UNC13C: variants seen among roughly 807,000 people sequenced by gnomAD.
UNC13C encodes the protein unc-13 homolog C.
In UNC13C, 174 loss-of-function variants were observed where a neutral mutation model predicts 245.4. The ratio of observed to expected loss-of-function variants is 0.71; its 90% CI spans 0.63 to 0.80. The LOEUF (loss-of-function observed/expected upper bound fraction) is 0.80, where lower values mean the gene tolerates loss of function less well. Among genes scored for constraint, UNC13C ranks in the 30% least tolerant of loss-of-function variants. The pLI is 0.00. For synonymous variants in UNC13C, 992 were observed against 895.1 expected (o/e 1.11, Z -1.93); for missense variants, 2,829 against 2,602.9 (o/e 1.09, Z -1.89).
At chr15:54,400,259 A>G (rs1346636628) in intron 18 of UNC13C, among the ~76,000 whole-genome samples, 1 of 151,976 alleles carries the variant, frequency 6.6e-6, no homozygotes, top group East Asian at 1.9e-4. Flanking sequence ...TTCTTTAAAG[A>G]AGATTTTTTT....
intron 2 of UNC13C, among the ~76,000 whole-genome samples, chr15:54,071,223 A>G (rs1167645144): frequency 6.6e-6 from 1 of 152,180 alleles, no homozygotes; most frequent in Non-Finnish European, 1.5e-5. Flanking sequence ...GTAGGATTTC[A>G]GAATTGCAGA....
At chr15:54,559,506 A>G (rs1897217820) in intron 29 of UNC13C, among the ~76,000 whole-genome samples, 1 of 152,060 alleles carries the variant, frequency 6.6e-6, no homozygotes, top group African/African-American at 2.4e-5. Flanking sequence ...TTCAAATATC[A>G]TTATTTGAGA....
chr15:54,377,044 T>A (rs951385377), intron 17 of UNC13C, among the ~76,000 whole-genome samples: 1 of 152,090 alleles, frequency 6.6e-6, no homozygotes, highest in Non-Finnish European at 1.5e-5. Context: ...GAGATCAGTG[T>A]TATGCAGCTA....
chr15:54,104,035 G>A (rs1900306055), intron 2 of UNC13C, among the ~76,000 whole-genome samples: 1 of 152,222 alleles, frequency 6.6e-6, no homozygotes, highest in Non-Finnish European at 1.5e-5. Context: ...GAGCCACCAT[G>A]CCCGGCCACA....
chr15:54,090,590 C>A (rs1899513078), intron 2 of UNC13C, among the ~76,000 whole-genome samples: 1 of 152,128 alleles, frequency 6.6e-6, no homozygotes, highest in African/African-American at 2.4e-5. Context: ...TGCTCTTAAC[C>A]AATTATGTTG....
chr15:54,338,089 G>A (rs1436881607), intron 16 of UNC13C, among the ~76,000 whole-genome samples: 1 of 152,114 alleles, frequency 6.6e-6, no homozygotes, highest in Non-Finnish European at 1.5e-5. Context: ...AATATTTGTT[G>A]AATGATGGAA....
the UNC13C span, among the ~76,000 whole-genome samples, chr15:53,854,912 T>A: frequency 4.6e-5 from 7 of 152,226 alleles, no homozygotes; most frequent in Admixed American, 4.6e-4. Context: ...TGATATTGAT[T>A]CTTGCTATCC....
At chr15:54,527,246 C>G (rs1895509575) in intron 25 of UNC13C, among the ~76,000 whole-genome samples, 1 of 152,164 alleles carries the variant, frequency 6.6e-6, no homozygotes, top group Non-Finnish European at 1.5e-5. Context: ...TGGGGTGACA[C>G]TGAGAGATGA....
At chr15:53,936,001 G>T in the UNC13C span, among the ~76,000 whole-genome samples, 1 of 152,186 alleles carries the variant, frequency 6.6e-6, no homozygotes, top group Non-Finnish European at 1.5e-5. Context: ...CCCTAGGAAG[G>T]GGTCTGAATC....
At chr15:53,870,734 A>G in the UNC13C span, among the ~76,000 whole-genome samples, 4 of 152,172 alleles carry the variant, frequency 2.6e-5, no homozygotes, top group Non-Finnish European at 5.9e-5. Context: ...AGAGGGTCTT[A>G]TCCTGATTTT....
chr15:54,028,106 A>G (rs1014515271), intron 2 of UNC13C, among the ~76,000 whole-genome samples: 1 of 152,212 alleles, frequency 6.6e-6, no homozygotes, highest in Non-Finnish European at 1.5e-5. Context: ...AAGTACCAGT[A>G]GTGGTGAACT....
At chr15:53,944,080 T>C in the UNC13C span, among the ~76,000 whole-genome samples, 1 of 146,834 alleles carries the variant, frequency 6.8e-6, no homozygotes, top group East Asian at 1.9e-4. Context: ...AATATCTGTC[T>C]TTTAGTTAGT....
intron 17 of UNC13C, among the ~76,000 whole-genome samples, chr15:54,366,482 A>T (rs1364921741): frequency 1.3e-5 from 2 of 152,218 alleles, no homozygotes; most frequent in Admixed American, 1.3e-4. Context: ...ATGAACACAC[A>T]TACACACACA....
chr15:54,553,067 A>T (rs1355780232), intron 28 of UNC13C, among the ~76,000 whole-genome samples: 40 of 92,978 alleles, frequency 4.3e-4, no homozygotes, highest in African/African-American at 1.3e-3. Context: ...ACAATATATA[A>T]TATATATTGT....
At chr15:54,607,912 G>A (rs1596665149) in intron 30 of UNC13C, among the ~76,000 whole-genome samples, 1 of 152,206 alleles carries the variant, frequency 6.6e-6, no homozygotes, top group East Asian at 1.9e-4. Flanking sequence ...TTTGGGTGGG[G>A]ACACAGAACC....
chr15:54,338,216 CA>C (rs2038640393), intron 16 of UNC13C, 144 bp from the exon 17 acceptor site: 1 of 912,188 alleles, frequency 1.1e-6, no homozygotes, highest in Non-Finnish European at 1.6e-6. Flanking sequence ...AATGTTTACA[CA>C]TTTAAAACCA....
intron 4 of UNC13C, among the ~76,000 whole-genome samples, chr15:54,206,282 ATCT>A (rs1467631101): frequency 6.6e-6 from 1 of 151,956 alleles, no homozygotes; most frequent in Non-Finnish European, 1.5e-5. Context: ...TGCTTAACTG[ATCT>A]TCTTAAGGTT....
the UNC13C span, among the ~76,000 whole-genome samples, chr15:53,845,231 A>G: frequency 3.3e-5 from 5 of 151,622 alleles, no homozygotes; most frequent in Non-Finnish European, 7.4e-5. Context: ...AGGCTGAGGC[A>G]GGAGAATCAC....
chr15:53,945,649 C>T, the UNC13C span, among the ~76,000 whole-genome samples: 1 of 151,940 alleles, frequency 6.6e-6, no homozygotes, highest in South Asian at 2.1e-4. Context: ...TACCATAGCC[C>T]TGTAGAATAG....
Sources: gnomAD v4.1 joint callset for allele counts (sites outside exome capture counted in the v4.1 genomes callset) on GRCh38, gnomAD v4.1.1 for gene constraint, MANE v1.5 for transcripts, NCBI Gene and HGNC (gene_info 2026-07-23, HGNC 2026-07-21) for gene names.